The following SH3TC2 variants were observed in gnomAD, a reference collection of about 807,000 sequenced individuals.
The protein encoded by SH3TC2 is SH3 domain and tetratricopeptide repeat-containing protein 2.
SH3TC2 carries 87 observed loss-of-function variants against 124.5 expected under a neutral mutation model. The ratio of observed to expected loss-of-function variants is 0.70; its 90% CI spans 0.59 to 0.84. SH3TC2 has a LOEUF of 0.84. Among genes scored for constraint, SH3TC2 ranks in the 40% least tolerant of loss-of-function variants. SH3TC2 has a pLI of 0.00. For missense variants in SH3TC2, 1,536 were observed against 1,566.4 expected, an observed-to-expected ratio of 0.98 and a Z score of 0.33; for synonymous variants, 634 against 628.5, an observed-to-expected ratio of 1.01 and a Z score of -0.13.
chr5:149,049,492 C>T (rs930679159), intron 2 of SH3TC2, among the ~76,000 whole-genome samples: 7 of 152,172 alleles, frequency 4.6e-5, no homozygotes, highest in Non-Finnish European at 1.0e-4. Context: ...CTAGACTGGG[C>T]GCAGTGGCTC....
intron 15 of SH3TC2, 125 bp downstream of exon 15, chr5:149,008,726 A>G: frequency 7.4e-7 from 1 of 1,349,146 alleles, no homozygotes. Flanking sequence ...GGTCTCTCTG[A>G]CAGTTGGACC....
At chr5:149,021,777 A>C (rs1443375378) in intron 12 of SH3TC2, among the ~76,000 whole-genome samples, 1 of 152,040 alleles carries the variant, frequency 6.6e-6, no homozygotes, top group Non-Finnish European at 1.5e-5. Flanking sequence ...TTCAAAAACA[A>C]AACAAAAAAA....
intron 1 of SH3TC2, among the ~76,000 whole-genome samples, chr5:149,054,084 A>G (rs1754602597): frequency 6.6e-6 from 1 of 152,204 alleles, no homozygotes; most frequent in African/African-American, 2.4e-5. Context: ...TAAATGTTTG[A>G]GGCGATGTGA....
At position 149,027,520 on chromosome 5, in the gene SH3TC2, G is replaced by C. The variant is rs951179782; in HGVS notation, c.2212C>G (p.Pro738Ala). 1 of 1,614,088 alleles carries C rather than the reference G, an allele frequency of 6.2e-7. No homozygotes were observed. The highest frequency in any genetic ancestry group is 1.7e-5 in the Admixed American group (1 of 60,016). Residue 738 changes from proline (P) to alanine (A), a missense_variant, in exon 11 of 17, where the codon CCA (proline) becomes GCA (alanine). Pro to Ala is a conservative substitution (Grantham distance 27). Transcript: ENST00000515425. ...GCAGCCAGGGCCTGTCTGAGCATTGGGCAGGCCAAGGCAGAAACTTCACCC... is the reference window on the plus strand; with the variant it reads ...GCAGCCAGGGCCTGTCTGAGCATTGCGCAGGCCAAGGCAGAAACTTCACCC... Reference protein sequence around the residue: ...GWGEVSALACPMLRQALAACE... With the variant: ...GWGEVSALACAMLRQALAACE...
At chr5:149,056,168 CTT>C (rs1226033045) in intron 1 of SH3TC2, among the ~76,000 whole-genome samples, 3 of 151,684 alleles carry the variant, frequency 2.0e-5, no homozygotes, top group Non-Finnish European at 4.4e-5. Context: ...CTTAGGTAAA[CTT>C]ATATCATGGA....
intron 3 of SH3TC2, chr5:149,045,940 C>T (rs928215694): frequency 4.8e-5 from 20 of 417,390 alleles, no homozygotes; most frequent in African/African-American, 4.1e-4. Flanking sequence ...CCACCGCACC[C>T]GGCCTGGTTT....
Position 149,026,581 on chromosome 5 carries a change from T to C in SH3TC2, c.3044A>G (p.Asn1015Ser), listed in dbSNP as rs1209299386. The change falls in exon 12 of 17, where the codon AAT (asparagine) becomes AGT (serine). Residue 1015 changes from asparagine to serine, a missense_variant. This residue lies in a region of SH3TC2 where 426 missense variants were observed against 443.5 expected (regional missense o/e 0.96). Transcript: ENST00000515425. ...ESLGQLYRNL[N>S]TARSLRRSLT... ...CCTGACCCTGACTCACCTGGCGGTA[T>C]TTAGGTTCCGATAAAGCTGCCCCAG... 2 of 1,613,898 alleles carry C rather than the reference T, an allele frequency of 1.2e-6. No individual in the cohort carries two copies. The highest frequency in any genetic ancestry group is 2.7e-5 in the African/African-American group (2 of 74,936).
chr5:149,026,799 T>C (rs1384445849), intron 11 of SH3TC2, 47 bp from the exon 12 acceptor site: 1 of 1,614,144 alleles, frequency 6.2e-7, no homozygotes, highest in Non-Finnish European at 8.5e-7. Flanking sequence ...AGATAGGAAA[T>C]GGATAAAACT....
In SH3TC2 at chr5:148,996,355, T is replaced by C. The variant is rs1753510003; in HGVS notation, c.*8356A>G. On this transcript the variant is annotated 3_prime_UTR_variant, in exon 17 of 17. Transcript: ENST00000515425. ...GAATGCCACAGGACTTGGAAGAGGA[T>C]CAGAATATCAGTTTATATAAGCTCT... Among the ~76,000 whole-genome samples, 1 of 152,042 alleles carries C rather than the reference T, an allele frequency of 6.6e-6. No individual in the cohort carries two copies. The highest frequency in any genetic ancestry group is 1.5e-5 in the Non-Finnish European group (1 of 68,006).
chr5:148,992,027 T>C lies in SH3TC2; in HGVS notation c.*12684A>G, dbSNP rs555894537. 6.6e-6 allele frequency among the ~76,000 whole-genome samples: 1 copy of C among 152,230 alleles called. No homozygotes were observed. The highest frequency in any genetic ancestry group is 1.5e-5 in the Non-Finnish European group (1 of 68,042). On this transcript the variant is annotated 3_prime_UTR_variant, in exon 17 of 17. Coordinates refer to ENST00000515425, the MANE Select transcript of SH3TC2 (RefSeq NM_024577.4). Reference sequence around the variant, plus strand: ...ACTTTTCATATAATAACAACAGAGCTGAGCTAGAGGGTCTCCAAAGCCCAC... The same window carrying C: ...ACTTTTCATATAATAACAACAGAGCCGAGCTAGAGGGTCTCCAAAGCCCAC...
intron 12 of SH3TC2, among the ~76,000 whole-genome samples, chr5:149,023,582 CCT>C (rs1491445347): frequency 1.4e-5 from 1 of 73,520 alleles, no homozygotes; most frequent in Non-Finnish European, 2.4e-5. Flanking sequence ...ATAGTGTAAT[CCT>C]TTTTTTTTTT....
intron 12 of SH3TC2, chr5:149,026,031 G>T (rs1470749704): frequency 6.5e-6 from 1 of 154,426 alleles, no homozygotes; most frequent in Non-Finnish European, 1.4e-5. Context: ...TCATTTTAAA[G>T]GTAAGTTCCC....
intron 13 of SH3TC2, among the ~76,000 whole-genome samples, chr5:149,011,034 A>C (rs571076786): frequency 6.6e-6 from 1 of 152,218 alleles, no homozygotes; most frequent in Admixed American, 6.5e-5. Flanking sequence ...CTAGCAAGCT[A>C]TTTTGGATTT....
intron 12 of SH3TC2, among the ~76,000 whole-genome samples, chr5:149,013,837 C>A (rs138951334): frequency 1.3e-5 from 2 of 152,300 alleles, no homozygotes; most frequent in Non-Finnish European, 1.5e-5. Flanking sequence ...CTAGAGTCAC[C>A]TGGAAGCATT....
chr5:149,037,665 A>G (rs1371778659), intron 8 of SH3TC2, among the ~76,000 whole-genome samples: 1 of 152,038 alleles, frequency 6.6e-6, no homozygotes, highest in Non-Finnish European at 1.5e-5. Flanking sequence ...TAGGAAGCCC[A>G]CTCCAAAAAG....
chr5:149,028,707 A>G lies in SH3TC2; in HGVS notation c.1147T>C (p.Ser383Pro). Residue 383 changes from serine (S) to proline (P), a missense_variant, in exon 10 of 17, where the codon TCC (serine) becomes CCC (proline). Physicochemically the swap from Ser to Pro is moderately conservative, Grantham distance 74 (BLOSUM62 -1). Coordinates refer to ENST00000515425, the MANE Select transcript of SH3TC2 (RefSeq NM_024577.4). ...AGATCATTTGGAGGATTCTGGATGG[A>G]TTCAAACCCACCTAAGTAGAGATGA... is the stretch of plus-strand genomic sequence containing the variant. ...TSVYRLSGFESIQNPPNDLSA... is the reference protein window; with the variant it reads ...TSVYRLSGFEPIQNPPNDLSA... 6.2e-7 allele frequency: 1 copy of G among 1,614,144 alleles called. No individual in the cohort carries two copies.
chr5:149,014,325 A>G (rs1753834370), intron 12 of SH3TC2, among the ~76,000 whole-genome samples: 1 of 152,228 alleles, frequency 6.6e-6, no homozygotes, highest in Non-Finnish European at 1.5e-5. Flanking sequence ...AAGTTTGAGA[A>G]CCACTGCAGT....
Position 149,001,462 on chromosome 5 carries a change from C to T in SH3TC2, c.*3249G>A, listed in dbSNP as rs1223883792. ...AAGAGGGTAACTAGATCATGTTTGG[C>T]TATGATACACTTATTTTTTTAAATG... On this transcript the variant is annotated 3_prime_UTR_variant, in exon 17 of 17. Transcript: ENST00000515425. 6.6e-6 allele frequency: 1 copy of T among 151,940 alleles called. No individual in the cohort carries two copies. Among genetic ancestry groups the T allele is most frequent in the Non-Finnish European group, 1.5e-5 (1 of 68,002 alleles). The allele number at this position is 151,940 out of a possible 1,614,324, so 9.4% of individuals were successfully genotyped here.
chr5:148,992,599 G>GTT lies in SH3TC2; in HGVS notation c.*12111_*12112insAA, dbSNP rs886060126. ...CATAATTCCAAGAAGAGATTTCATT[G>GTT]GTTTTTTTTTTTTTTTTTTTTTTCA... On this transcript the variant is annotated 3_prime_UTR_variant, in exon 17 of 17. Transcript: ENST00000515425. Among the ~76,000 whole-genome samples, 7 of 64,756 alleles carry GTT rather than the reference G, an allele frequency of 1.1e-4. No individual in the cohort carries two copies. The highest frequency in any genetic ancestry group is 7.1e-4 in the South Asian group (1 of 1,408). 42.5% of individuals were successfully genotyped at this position (64,756 alleles called of 152,430 possible).
Sources: allele counts gnomAD v4.1 joint callset (sites outside exome capture counted in the v4.1 genomes callset), GRCh38; gene constraint gnomAD v4.1.1; regional missense constraint gnomAD v4.1.1; transcripts MANE v1.5; gene names NCBI Gene and HGNC (gene_info 2026-07-23, HGNC 2026-07-21).